The following ANOS1 variants were observed in gnomAD, a reference collection of about 807,000 sequenced individuals.
ANOS1 encodes the protein anosmin 1.
ANOS1 carries 6 observed loss-of-function variants against 59.0 expected under a neutral mutation model. The ratio of observed to expected loss-of-function variants is 0.10; its 90% CI spans 0.06 to 0.20. The LOEUF is 0.20. ANOS1 is among the 10% of genes least tolerant of loss of function. ANOS1 has a pLI of 1.00. For synonymous variants in ANOS1, 217 were observed against 223.4 expected, an observed-to-expected ratio of 0.97 and a Z score of 0.25; for missense variants, 433 against 542.3, an observed-to-expected ratio of 0.80 and a Z score of 2.00.
chrX:8,649,141 CAG>C (rs1931809149), intron 2 of ANOS1, among the ~76,000 whole-genome samples: 1 of 111,480 alleles, frequency 9.0e-6, no homozygotes, highest in Non-Finnish European at 1.9e-5. Flanking sequence ...CTTTAGTGCC[CAG>C]AGTATTCACA....
At position 8,535,734 on chromosome X, in the gene ANOS1, C is replaced by T. The variant is rs142455173; in HGVS notation, c.1699G>A (p.Gly567Ser). The change falls in exon 12 of 14, where the codon GGT becomes AGT. Residue 567 changes from glycine (G) to serine (S), a missense_variant. Gly to Ser is a moderately conservative substitution (Grantham distance 56, BLOSUM62 0). Coordinates refer to ENST00000262648, the MANE Select transcript of ANOS1 (RefSeq NM_000216.4). The part of the protein sequence containing the change: ...SFIVQDVNIT[G>S]HFSWKMAKAN... ...TTGGCCATCTTCCAAGAAAAGTGACCGGTGATGTTCACATCCTGGACGATG... is the reference window on the plus strand; with the variant it reads ...TTGGCCATCTTCCAAGAAAAGTGACTGGTGATGTTCACATCCTGGACGATG... 67 of 1,210,189 alleles carry T rather than the reference C, an allele frequency of 5.5e-5. No individual in the cohort carries two copies. The highest frequency in any genetic ancestry group is 4.9e-4 in the African/African-American group (28 of 57,390).
intron 1 of ANOS1, among the ~76,000 whole-genome samples, chrX:8,714,367 T>C (rs1233770498): frequency 8.9e-6 from 1 of 111,999 alleles, no homozygotes; most frequent in Non-Finnish European, 1.9e-5. Context: ...ATCTGGCATG[T>C]TGACCAGCAG....
chrX:8,627,260 G>A (rs778089860), intron 2 of ANOS1, among the ~76,000 whole-genome samples: 7 of 112,435 alleles, frequency 6.2e-5, no homozygotes, highest in Non-Finnish European at 1.1e-4. Context: ...TGCTACATGT[G>A]TACACAGTTG....
intron 2 of ANOS1, among the ~76,000 whole-genome samples, chrX:8,656,931 G>T (rs1181533930): frequency 9.0e-6 from 1 of 111,727 alleles, no homozygotes. Context: ...CTAAACTTGG[G>T]ATGTCCTGAG....
intron 1 of ANOS1, among the ~76,000 whole-genome samples, chrX:8,706,914 T>A (rs1425705803): frequency 9.0e-6 from 1 of 111,586 alleles, no homozygotes; most frequent in Non-Finnish European, 1.9e-5. Flanking sequence ...TAGAAAGAAA[T>A]ACACCTGCCT....
At chrX:8,581,449 T>C (rs752292400) in intron 6 of ANOS1, among the ~76,000 whole-genome samples, 2 of 111,813 alleles carry the variant, frequency 1.8e-5, no homozygotes, top group African/African-American at 6.5e-5. Flanking sequence ...AACAGACTAA[T>C]ACAACACCCA....
intron 2 of ANOS1, among the ~76,000 whole-genome samples, chrX:8,656,364 A>C (rs1423174079): frequency 1.8e-5 from 2 of 111,794 alleles, no homozygotes; most frequent in African/African-American, 6.5e-5. Flanking sequence ...TCTCTGCCTC[A>C]GTTTTCTTGT....
At position 8,684,175 on chromosome X, in the gene ANOS1, A is replaced by G. The variant is rs1932468939; in HGVS notation, c.255+15523T>C. 2.7e-5 allele frequency among the ~76,000 whole-genome samples: 3 copies of G among 111,656 alleles called. No homozygotes were observed. The South Asian group carries it at 1.1e-3, about 42-fold the overall frequency. On this transcript the variant is annotated intron_variant, in intron 2 of 13. Coordinates refer to ENST00000262648, the MANE Select transcript of ANOS1 (RefSeq NM_000216.4). Reference sequence around the variant, plus strand: ...TGTGGGGAATAGGGCAACATTCAGAAACGTGAAAACACAGCAGACAATTGC... The same window carrying G: ...TGTGGGGAATAGGGCAACATTCAGAGACGTGAAAACACAGCAGACAATTGC...
intron 1 of ANOS1, among the ~76,000 whole-genome samples, chrX:8,725,195 T>C (rs1932901832): frequency 9.0e-6 from 1 of 110,577 alleles, no homozygotes; most frequent in African/African-American, 3.3e-5. Context: ...AAACCTCTCT[T>C]CCCCCCAAAA....
At chrX:8,673,018 T>G (rs780253428) in intron 2 of ANOS1, among the ~76,000 whole-genome samples, 2 of 111,889 alleles carry the variant, frequency 1.8e-5, no homozygotes, top group South Asian at 7.5e-4. Context: ...TTCAACTTTA[T>G]GTCCGCACAT....
At chrX:8,560,648 A>C (rs1026637376) in intron 8 of ANOS1, among the ~76,000 whole-genome samples, 6 of 112,648 alleles carry the variant, frequency 5.3e-5, no homozygotes, top group African/African-American at 1.9e-4. Context: ...TGAAGACGAA[A>C]AAACCAGCGC....
intron 3 of ANOS1, among the ~76,000 whole-genome samples, chrX:8,605,983 T>G (rs1930935079): frequency 2.3e-5 from 2 of 85,497 alleles, no homozygotes; most frequent in Non-Finnish European, 2.2e-5. Flanking sequence ...TGTGGGGGGG[T>G]TGTGTTGGGG....
chrX:8,683,915 G>A (rs1014291976), intron 2 of ANOS1, among the ~76,000 whole-genome samples: 4 of 111,631 alleles, frequency 3.6e-5, no homozygotes, highest in Non-Finnish European at 7.5e-5. Flanking sequence ...CAAAGGCTGG[G>A]AGATGTCACC....
At chrX:8,546,828 C>T (rs1465603590) in intron 9 of ANOS1, among the ~76,000 whole-genome samples, 1 of 111,805 alleles carries the variant, frequency 8.9e-6, no homozygotes, top group Non-Finnish European at 1.9e-5. Flanking sequence ...ATAAACACTC[C>T]ATTTAGATCC....
intron 1 of ANOS1, among the ~76,000 whole-genome samples, chrX:8,702,178 C>T (rs779906944): frequency 3.6e-5 from 4 of 110,430 alleles, no homozygotes; most frequent in South Asian, 3.9e-4. Context: ...AAGCTGGAGA[C>T]GCATACGAAC....
intron 11 of ANOS1, 88 bp downstream of exon 11, chrX:8,536,683 G>A (rs1372644324): frequency 1.6e-5 from 12 of 753,329 alleles, no homozygotes; most frequent in African/African-American, 2.1e-5. Context: ...TGGTTTTCAC[G>A]GTCTTGTGAA....
At chrX:8,668,477 T>C (rs983598469) in intron 2 of ANOS1, among the ~76,000 whole-genome samples, 1 of 94,167 alleles carries the variant, frequency 1.1e-5, no homozygotes, top group African/African-American at 3.9e-5. Flanking sequence ...TATACATATA[T>C]GATAGTCCAT....
chrX:8,558,066 G>A (rs1027863548), intron 8 of ANOS1, among the ~76,000 whole-genome samples: 2 of 109,924 alleles, frequency 1.8e-5, no homozygotes, highest in Middle Eastern at 4.2e-3. Flanking sequence ...GCAAACTAAC[G>A]CAGGAACAGA....
chrX:8,580,327 AGTATTTAAGTAG>A (rs1930400215), intron 6 of ANOS1, among the ~76,000 whole-genome samples: 1 of 112,475 alleles, frequency 8.9e-6, no homozygotes, highest in African/African-American at 3.2e-5. Flanking sequence ...GAAGAAATAC[AGTATTTAAGTAG>A]GCAAATATAA....
Sources: allele counts gnomAD v4.1 joint callset (sites outside exome capture counted in the v4.1 genomes callset), GRCh38; gene constraint gnomAD v4.1.1; transcripts MANE v1.5; gene names NCBI Gene and HGNC (gene_info 2026-07-23, HGNC 2026-07-21).